Variants in ANKFN1 observed in about 807,000 individuals in gnomAD.
ANKFN1 encodes ankyrin repeat and fibronectin type-III domain-containing protein 1.
Under a neutral mutation model 108.7 loss-of-function variants are expected in ANKFN1, and 74 were observed. The ratio of observed to expected loss-of-function variants is 0.68; its 90% CI spans 0.56 to 0.83. ANKFN1 has a LOEUF of 0.83. ANKFN1 is among the 40% of genes least tolerant of loss of function. The pLI, the probability that ANKFN1 is intolerant of heterozygous loss-of-function variation, is 0.00. For missense variants in ANKFN1, 1,505 were observed against 1,382.3 expected (o/e 1.09, Z -1.41); for synonymous variants, 547 against 516.2 (o/e 1.06, Z -0.81).
At chr17:56,082,949 T>A (rs1337895163) in intron 4 of ANKFN1, among the ~76,000 whole-genome samples, 1 of 151,398 alleles carries the variant, frequency 6.6e-6, no homozygotes, top group Non-Finnish European at 1.5e-5. Flanking sequence ...TCCTGAGTGG[T>A]TGCAGAGATT....
intron 2 of ANKFN1, among the ~76,000 whole-genome samples, chr17:56,213,977 G>A (rs1915234037): frequency 6.6e-6 from 1 of 152,162 alleles, no homozygotes; most frequent in Non-Finnish European, 1.5e-5. Flanking sequence ...AAGCAAGAGA[G>A]TAGTATGGCA....
intron 3 of ANKFN1, among the ~76,000 whole-genome samples, chr17:56,275,147 C>T (rs534541976): frequency 1.4e-4 from 22 of 152,108 alleles, no homozygotes; most frequent in African/African-American, 3.9e-4. Flanking sequence ...CCTCAGGAAA[C>T]GGTTGCTTCC....
intron 10 of ANKFN1, among the ~76,000 whole-genome samples, chr17:56,443,826 G>C (rs991564942): frequency 6.6e-6 from 1 of 152,170 alleles, no homozygotes; most frequent in African/African-American, 2.4e-5. Context: ...TATGTAATGA[G>C]CCCAGTACTC....
intron 8 of ANKFN1, among the ~76,000 whole-genome samples, chr17:56,378,978 C>T (rs2047016621): frequency 6.6e-6 from 1 of 152,190 alleles, no homozygotes; most frequent in Non-Finnish European, 1.5e-5. Flanking sequence ...TCTTGTAAAC[C>T]ACCTTAAAAC....
chr17:56,056,217 T>C (rs1904874966), intron 4 of ANKFN1, among the ~76,000 whole-genome samples: 1 of 152,068 alleles, frequency 6.6e-6, no homozygotes, highest in Non-Finnish European at 1.5e-5. Context: ...CTGTGCAGAC[T>C]CTTTTTATTT....
chr17:56,358,167 G>A (rs941038689), intron 6 of ANKFN1, among the ~76,000 whole-genome samples: 1 of 152,076 alleles, frequency 6.6e-6, no homozygotes, highest in African/African-American at 2.4e-5. Context: ...TTTCTAACAA[G>A]GTTAATTTTC....
At chr17:56,120,111 A>AT (rs1304497989) in intron 4 of ANKFN1, among the ~76,000 whole-genome samples, 1 of 151,946 alleles carries the variant, frequency 6.6e-6, no homozygotes, top group East Asian at 1.9e-4. Flanking sequence ...ACATGTATTC[A>AT]TTTTTTCAAC....
At chr17:56,133,166 T>G (rs998103793) in intron 4 of ANKFN1, among the ~76,000 whole-genome samples, 1 of 152,190 alleles carries the variant, frequency 6.6e-6, no homozygotes, top group Non-Finnish European at 1.5e-5. Flanking sequence ...ATCGACTCAT[T>G]TCTGTCACTG....
chr17:56,095,949 G>C (rs1408870129), intron 4 of ANKFN1, among the ~76,000 whole-genome samples: 1 of 152,210 alleles, frequency 6.6e-6, no homozygotes, highest in Non-Finnish European at 1.5e-5. Context: ...TGGAATCAGA[G>C]ATGCCTAGTG....
chr17:56,449,270 C>G (rs879806714), intron 11 of ANKFN1, 84 bp downstream of exon 11: 25 of 936,262 alleles, frequency 2.7e-5, no homozygotes, highest in African/African-American at 5.0e-5. Flanking sequence ...TGGGTCATAC[C>G]TTCTCATTCA....
intron 20 of ANKFN1, among the ~76,000 whole-genome samples, chr17:56,503,452 C>T (rs1328150148): frequency 7.3e-6 from 1 of 137,058 alleles, no homozygotes; most frequent in East Asian, 2.1e-4. Context: ...TCTACTCAAA[C>T]ACAGTGGAAA....
intron 2 of ANKFN1, among the ~76,000 whole-genome samples, chr17:56,226,137 T>C (rs1050196710): frequency 5.3e-5 from 8 of 151,980 alleles, no homozygotes; most frequent in African/African-American, 1.9e-4. Context: ...TGGGAGGAAA[T>C]GTGTGTCAGG....
intron 8 of ANKFN1, among the ~76,000 whole-genome samples, chr17:56,417,704 T>C (rs181092273): frequency 2.4e-4 from 37 of 152,330 alleles, no homozygotes; most frequent in African/African-American, 8.9e-4. Flanking sequence ...CTGAAGAGAA[T>C]TGATCCATGT....
intron 3 of ANKFN1, among the ~76,000 whole-genome samples, chr17:56,296,373 T>C (rs115678967): frequency 0.014 from 2,141 of 152,260 alleles, 60 homozygotes; most frequent in African/African-American, 0.049. Flanking sequence ...TAGATATCTT[T>C]GTAAAAGAAG....
At chr17:56,185,634 C>G (rs1482033347) in intron 1 of ANKFN1, among the ~76,000 whole-genome samples, 1 of 152,116 alleles carries the variant, frequency 6.6e-6, no homozygotes, top group East Asian at 1.9e-4. Context: ...GCAAACTGCT[C>G]CCTCCCACCA....
At chr17:56,384,939 T>C (rs1012759658) in intron 8 of ANKFN1, among the ~76,000 whole-genome samples, 19 of 151,700 alleles carry the variant, frequency 1.3e-4, no homozygotes, top group African/African-American at 4.4e-4. Context: ...AAGCTACCAA[T>C]GACTTTCTTC....
At chr17:56,230,719 A>T (rs1916671770) in intron 3 of ANKFN1, among the ~76,000 whole-genome samples, 1 of 152,106 alleles carries the variant, frequency 6.6e-6, no homozygotes, top group Non-Finnish European at 1.5e-5. Flanking sequence ...GTTGCCAAAG[A>T]AACCTGAATT....
intron 9 of ANKFN1, among the ~76,000 whole-genome samples, chr17:56,441,069 T>C (rs933654837): frequency 5.3e-5 from 8 of 152,088 alleles, no homozygotes; most frequent in African/African-American, 1.9e-4. Context: ...TATGAGCATA[T>C]GAAATGCAAA....
intron 8 of ANKFN1, among the ~76,000 whole-genome samples, chr17:56,382,223 C>A (rs2047127136): frequency 6.6e-6 from 1 of 152,098 alleles, no homozygotes. Context: ...TCATATCCAG[C>A]CAAACTAAGC....
Sources: gnomAD v4.1 joint callset for allele counts (sites outside exome capture counted in the v4.1 genomes callset) on GRCh38, gnomAD v4.1.1 for gene constraint, MANE v1.5 for transcripts, NCBI Gene and HGNC (gene_info 2026-07-23, HGNC 2026-07-21) for gene names.